Variants in QTGAL observed in about 807,000 individuals in gnomAD.
The protein encoded by QTGAL is BGnT-like protein 1.
At chr17:82,945,140 A>G in the QTGAL span, 1 of 152,254 alleles carries the variant, frequency 6.6e-6, no homozygotes, top group South Asian at 2.1e-4. Flanking sequence ...GATTAGAAAA[A>G]AACAGAGCCC....
chr17:82,961,253 C>G, the QTGAL span: 2 of 1,539,660 alleles, frequency 1.3e-6, no homozygotes, highest in Non-Finnish European at 8.8e-7. Context: ...GCACACTACA[C>G]CTGCGCTCAG....
the QTGAL span, among the ~76,000 whole-genome samples, chr17:83,014,923 T>C: frequency 6.6e-6 from 1 of 152,250 alleles, no homozygotes; most frequent in African/African-American, 2.4e-5. Context: ...TGCTGACAAT[T>C]CCAAGTGTAC....
the QTGAL span, among the ~76,000 whole-genome samples, chr17:82,958,134 C>G: frequency 6.6e-6 from 1 of 152,180 alleles, no homozygotes; most frequent in Non-Finnish European, 1.5e-5. Flanking sequence ...CTGTGTGTGC[C>G]TCTCCCTCAA....
At chr17:82,965,990 C>T in the QTGAL span, among the ~76,000 whole-genome samples, 1 of 152,068 alleles carries the variant, frequency 6.6e-6, no homozygotes, top group Non-Finnish European at 1.5e-5. Flanking sequence ...TCATCACTCA[C>T]TGTAGCCTTG....
chr17:82,958,302 C>T, the QTGAL span, among the ~76,000 whole-genome samples: 247 of 152,336 alleles, frequency 1.6e-3, no homozygotes, highest in African/African-American at 5.2e-3. Context: ...GATGTAGCCA[C>T]GCTGAAGCCC....
chr17:83,017,270 GATAGCACAATAGGGTGACT>G, the QTGAL span, among the ~76,000 whole-genome samples: 1 of 152,186 alleles, frequency 6.6e-6, no homozygotes, highest in Admixed American at 6.5e-5. Flanking sequence ...TCTAGTGTTC[GATAGCACAATAGGGTGACT>G]ATAGTTAACA....
chr17:82,977,976 G>A, the QTGAL span, among the ~76,000 whole-genome samples: 13 of 152,278 alleles, frequency 8.5e-5, no homozygotes, highest in African/African-American at 2.6e-4. Context: ...CCTGCCCTGG[G>A]GCTTGGCTGG....
chr17:83,033,805 C>T, the QTGAL span, among the ~76,000 whole-genome samples: 10 of 151,976 alleles, frequency 6.6e-5, no homozygotes, highest in Non-Finnish European at 1.3e-4. Context: ...GTTATTAGTT[C>T]AGTTTTTAAA....
the QTGAL span, among the ~76,000 whole-genome samples, chr17:83,003,705 C>T: frequency 4.8e-4 from 1 of 2,100 alleles, no homozygotes; most frequent in Non-Finnish European, 8.6e-4. Context: ...ATTCCTGAGC[C>T]CGCCCTCCCG....
the QTGAL span, among the ~76,000 whole-genome samples, chr17:82,971,679 G>A: frequency 0.016 from 542 of 34,276 alleles, 33 homozygotes; most frequent in African/African-American, 0.094. Flanking sequence ...GAAGGACCTG[G>A]TGCCCACCAC....
the QTGAL span, among the ~76,000 whole-genome samples, chr17:83,044,262 G>C: frequency 6.6e-6 from 1 of 152,154 alleles, no homozygotes; most frequent in East Asian, 1.9e-4. Context: ...ACTGAATCCA[G>C]CAGTATACTA....
the QTGAL span, among the ~76,000 whole-genome samples, chr17:83,023,249 C>T: frequency 2.0e-5 from 2 of 101,574 alleles, 1 homozygote; most frequent in Non-Finnish European, 4.1e-5. Context: ...CGTGAACTCA[C>T]GTTAGCTTAG....
chr17:83,013,022 C>T, the QTGAL span, among the ~76,000 whole-genome samples: 3 of 152,162 alleles, frequency 2.0e-5, no homozygotes, highest in Non-Finnish European at 4.4e-5. Flanking sequence ...GCCCCGATTG[C>T]CATGGATATG....
the QTGAL span, among the ~76,000 whole-genome samples, chr17:82,979,868 G>A: frequency 6.6e-6 from 1 of 152,332 alleles, no homozygotes; most frequent in Admixed American, 6.5e-5. Flanking sequence ...TACTGGTGGA[G>A]GGACAGACAC....
chr17:82,987,326 A>G, the QTGAL span, among the ~76,000 whole-genome samples: 1 of 152,236 alleles, frequency 6.6e-6, no homozygotes, highest in Non-Finnish European at 1.5e-5. Context: ...CAATTTTAAA[A>G]AGAAGACTTA....
chr17:82,989,692 G>T, the QTGAL span, among the ~76,000 whole-genome samples: 1 of 152,116 alleles, frequency 6.6e-6, no homozygotes, highest in Non-Finnish European at 1.5e-5. Flanking sequence ...CACCTTTGTG[G>T]AGTCGAATTT....
At chr17:82,957,244 C>T in the QTGAL span, 1 of 1,614,194 alleles carries the variant, frequency 6.2e-7, no homozygotes, top group East Asian at 2.2e-5. Flanking sequence ...CACAGAATGC[C>T]ACCACCTGGG....
the QTGAL span, among the ~76,000 whole-genome samples, chr17:83,024,222 C>T: frequency 3.3e-5 from 5 of 152,150 alleles, no homozygotes; most frequent in African/African-American, 9.6e-5. Context: ...GAGCCCCCAG[C>T]GCAGGCCTCA....
the QTGAL span, chr17:82,981,141 G>A: frequency 0.41 from 62,813 of 152,064 alleles, 13,270 homozygotes; most frequent in South Asian, 0.49. Flanking sequence ...CAGAGTCAGG[G>A]ATCCTGGATA....
Sources: gnomAD v4.1 joint callset for allele counts (sites outside exome capture counted in the v4.1 genomes callset) on GRCh38, gnomAD v4.1.1 for gene constraint, MANE v1.5 for transcripts, NCBI Gene and HGNC (gene_info 2026-07-23, HGNC 2026-07-21) for gene names.